The following TBC1D1 variants were observed in gnomAD, a reference collection of about 807,000 sequenced individuals.
TBC1D1 encodes the protein TBC1 domain family member 1.
A neutral mutation model predicts 125.6 loss-of-function variants in TBC1D1; 89 were observed. The observed-to-expected ratio is 0.71, with a 90% CI of 0.60 to 0.85. TBC1D1 has a LOEUF of 0.85. Ranked by LOEUF, TBC1D1 falls within the 40% of genes least tolerant of loss-of-function variation. TBC1D1 has a pLI of 0.00. For synonymous variants in TBC1D1, 565 were observed against 564.1 expected, an observed-to-expected ratio of 1.00 and a Z score of -0.02; for missense variants, 1,377 against 1,469.2, an observed-to-expected ratio of 0.94 and a Z score of 1.03.
rs530570223 is a variant in TBC1D1 at position 37,960,398 on chromosome 4, A to G, written c.418-54111A>G. The G allele has an allele frequency of 3.9e-6, 6 of 1,543,588 alleles. No homozygotes were observed. In the East Asian group the frequency reaches 9.0e-5, roughly 23 times the overall value. On this transcript the variant is annotated intron_variant, in intron 2 of 19. Transcript: ENST00000261439. ...AAATATAAAGTGGGACCACGGTCTT[A>G]GATGAATGTGGCTGTTGAGAGCGGC... is the stretch of plus-strand genomic sequence containing the variant.
chr4:38,083,376 GATGAGTTA>G (rs1464342158), intron 12 of TBC1D1, among the ~76,000 whole-genome samples: 6 of 152,220 alleles, frequency 3.9e-5, no homozygotes, highest in Non-Finnish European at 8.8e-5. Context: ...CATTATCAGT[GATGAGTTA>G]ATAATTACCT....
intron 18 of TBC1D1, among the ~76,000 whole-genome samples, chr4:38,129,897 T>C (rs984802659): frequency 8.5e-5 from 13 of 152,204 alleles, no homozygotes; most frequent in Admixed American, 2.6e-4. Flanking sequence ...AACATTAGCA[T>C]GTTGCTGATG....
chr4:38,127,388 T>TC (rs1332140751), intron 18 of TBC1D1, among the ~76,000 whole-genome samples: 1 of 149,664 alleles, frequency 6.7e-6, no homozygotes, highest in Non-Finnish European at 1.5e-5. Flanking sequence ...TGACTTTTTT[T>TC]TTTTTTTTTT....
chr4:38,100,237 G>A (rs988257524), intron 14 of TBC1D1, among the ~76,000 whole-genome samples: 48 of 152,190 alleles, frequency 3.2e-4, no homozygotes, highest in African/African-American at 1.1e-3. Context: ...ACCATAACAA[G>A]TTACTACAAA....
chr4:38,066,687 GC>G (rs1212665741), intron 12 of TBC1D1, among the ~76,000 whole-genome samples: 2 of 152,128 alleles, frequency 1.3e-5, no homozygotes, highest in African/African-American at 4.8e-5. Context: ...AGCTATGCAT[GC>G]CCCCCCTGGA....
intron 19 of TBC1D1, among the ~76,000 whole-genome samples, chr4:38,136,491 C>A (rs1372783663): frequency 3.3e-5 from 5 of 152,174 alleles, no homozygotes; most frequent in African/African-American, 1.2e-4. Context: ...ACATCACTAA[C>A]TTTACACAGT....
In TBC1D1 at chr4:38,089,977, C is replaced by T. The variant is rs747602498; in HGVS notation, c.2096C>T (p.Pro699Leu). 5.0e-6 allele frequency: 8 copies of T among 1,613,420 alleles called. No homozygotes were observed. Among genetic ancestry groups the T allele is most frequent in the Non-Finnish European group, 5.9e-6 (7 of 1,179,782 alleles). ...CTTCCCCCACGATCTCCTTTAGAACCAGTTTGTGAAGATGGGCCCTTTGGC... is the reference window on the plus strand; with the variant it reads ...CTTCCCCCACGATCTCCTTTAGAACTAGTTTGTGAAGATGGGCCCTTTGGC... The change falls in exon 13 of 20, where the codon CCA becomes CTA. Residue 699 changes from proline (P) to leucine (L), a missense_variant. This residue lies in a region of TBC1D1 where 543 missense variants were observed against 613.5 expected (regional missense o/e 0.89). Coordinates refer to ENST00000261439, the MANE Select transcript of TBC1D1 (RefSeq NM_015173.4).
chr4:37,919,018 A>T (rs1424716680), intron 2 of TBC1D1, among the ~76,000 whole-genome samples: 1 of 152,000 alleles, frequency 6.6e-6, no homozygotes, highest in Non-Finnish European at 1.5e-5. Flanking sequence ...TAATACCAAC[A>T]ACACAGAGAA....
At position 38,014,431 on chromosome 4, in the gene TBC1D1, G is replaced by A. The variant is rs1742182145; in HGVS notation, c.418-78G>A. The A allele has an allele frequency of 1.4e-6, 2 of 1,456,550 alleles. No individual in the cohort carries two copies. The highest frequency in any genetic ancestry group is 2.8e-5 in the African/African-American group (2 of 72,208). The allele number at this position is 1,456,550 out of a possible 1,614,324, so 90.2% of individuals were successfully genotyped here. ...AGTGGAGTAGCCAGCGGGGCGTCCC[G>A]AAAGAGCATGGTGCATTCATTCCGT... On this transcript the variant is annotated intron_variant, in intron 2 of 19. Transcript: ENST00000261439. The surrounding 1 kb of genome is among the most constrained non-coding windows in gnomAD (Gnocchi z 5.1).
chr4:37,916,777 T>A (rs1479743462), intron 2 of TBC1D1, among the ~76,000 whole-genome samples: 2 of 152,132 alleles, frequency 1.3e-5, no homozygotes, highest in Non-Finnish European at 2.9e-5. Context: ...TGTTTTGTTT[T>A]GTTTAGTTTT....
intron 2 of TBC1D1, among the ~76,000 whole-genome samples, chr4:38,013,056 G>C (rs1210467697): frequency 6.6e-6 from 1 of 152,158 alleles, no homozygotes; most frequent in Admixed American, 6.5e-5. Context: ...GCCTCCCAAA[G>C]TGCTGGGATT....
At position 38,083,946 on chromosome 4, in the gene TBC1D1, T is replaced by TTA. The variant is rs1422174258; in HGVS notation, c.2051-5985_2051-5984insAT. 2.0e-5 allele frequency among the ~76,000 whole-genome samples: 3 copies of TTA among 150,844 alleles called. No individual in the cohort carries two copies. In the East Asian group the frequency reaches 5.8e-4, roughly 29 times the overall value. Reference sequence around the variant, plus strand: ...AAATGAATGTTGTCTTTTTTTTTTTTTTTTTTCTTGAGACAGAGTCTCGCT... The same window carrying TTA: ...AAATGAATGTTGTCTTTTTTTTTTTTTATTTTTTCTTGAGACAGAGTCTCGCT... On this transcript the variant is annotated intron_variant, in intron 12 of 19. Coordinates refer to ENST00000261439, the MANE Select transcript of TBC1D1 (RefSeq NM_015173.4).
At chr4:37,939,442 A>G (rs968965429) in intron 2 of TBC1D1, among the ~76,000 whole-genome samples, 4 of 152,146 alleles carry the variant, frequency 2.6e-5, no homozygotes, top group African/African-American at 9.7e-5. Flanking sequence ...AGATGAGTAG[A>G]TTGCAAAAAC....
chr4:38,091,999 G>C (rs1182787781), intron 13 of TBC1D1, among the ~76,000 whole-genome samples: 1 of 152,204 alleles, frequency 6.6e-6, no homozygotes, highest in Non-Finnish European at 1.5e-5. Flanking sequence ...CAATAAACTT[G>C]CTTAATATAA....
intron 2 of TBC1D1, among the ~76,000 whole-genome samples, chr4:37,929,044 G>A (rs1249807923): frequency 6.6e-6 from 1 of 152,146 alleles, no homozygotes; most frequent in Non-Finnish European, 1.5e-5. Flanking sequence ...CCTCTTTGTT[G>A]GTGCTCTAAA....
intron 12 of TBC1D1, among the ~76,000 whole-genome samples, chr4:38,055,603 G>A (rs2152489233): frequency 6.6e-6 from 1 of 152,298 alleles, no homozygotes. Context: ...GCACCATGGA[G>A]CTGCCACTCA....
intron 2 of TBC1D1, among the ~76,000 whole-genome samples, chr4:37,914,707 G>A (rs1719340170): frequency 6.6e-6 from 1 of 152,178 alleles, no homozygotes; most frequent in African/African-American, 2.4e-5. Flanking sequence ...GGCCTATCAT[G>A]TAGACTTCAT....
chr4:37,965,035 C>T (rs995806859), intron 2 of TBC1D1, among the ~76,000 whole-genome samples: 6 of 152,228 alleles, frequency 3.9e-5, no homozygotes, highest in South Asian at 4.1e-4. Context: ...AGGTGGTCTA[C>T]GCAGACACTG....
At chr4:37,950,796 T>C (rs1727689947) in intron 2 of TBC1D1, among the ~76,000 whole-genome samples, 2 of 151,516 alleles carry the variant, frequency 1.3e-5, no homozygotes, top group African/African-American at 4.9e-5. Context: ...TTCGCTCTTG[T>C]TGCCCAGGCT....
Sources: allele counts gnomAD v4.1 joint callset (sites outside exome capture counted in the v4.1 genomes callset), GRCh38; gene constraint gnomAD v4.1.1; regional missense constraint gnomAD v4.1.1; non-coding constraint Gnocchi (gnomAD v3.1); transcripts MANE v1.5; gene names NCBI Gene and HGNC (gene_info 2026-07-23, HGNC 2026-07-21).